MLLT10: variants seen among roughly 807,000 people sequenced by gnomAD.
MLLT10 encodes the protein protein AF-10.
Under a neutral mutation model 129.1 loss-of-function variants are expected in MLLT10, and 30 were observed. The ratio of observed to expected loss-of-function variants is 0.23; its 90% CI spans 0.17 to 0.32. MLLT10 has a LOEUF of 0.32. MLLT10 is among the 10% of genes least tolerant of loss of function. MLLT10 has a pLI of 1.00. For missense variants in MLLT10, 1,119 were observed against 1,268.3 expected, an observed-to-expected ratio of 0.88 and a Z score of 1.79; for synonymous variants, 490 against 446.4, an observed-to-expected ratio of 1.10 and a Z score of -1.23.
chr10:21,581,848 A>G (rs1440096956), intron 3 of MLLT10, among the ~76,000 whole-genome samples: 1 of 152,184 alleles, frequency 6.6e-6, no homozygotes, highest in East Asian at 1.9e-4. Flanking sequence ...AGTCTCAGGT[A>G]GTTCTTTATA....
intron 3 of MLLT10, among the ~76,000 whole-genome samples, chr10:21,540,419 G>C (rs1332433916): frequency 6.6e-6 from 1 of 151,654 alleles, no homozygotes; most frequent in African/African-American, 2.4e-5. Flanking sequence ...AGTTGGGCGT[G>C]GTGGCTTGCA....
chr10:21,641,829 A>G (rs968869738), intron 8 of MLLT10, among the ~76,000 whole-genome samples: 9 of 152,182 alleles, frequency 5.9e-5, no homozygotes, highest in African/African-American at 2.2e-4. Context: ...AGCAATTGGA[A>G]ATTTATTACT....
intron 3 of MLLT10, among the ~76,000 whole-genome samples, chr10:21,571,328 T>C (rs2040181365): frequency 6.6e-6 from 1 of 152,158 alleles, no homozygotes; most frequent in African/African-American, 2.4e-5. Flanking sequence ...TCTCTCTCTC[T>C]CTCCAGCTCT....
At chr10:21,601,390 A>G (rs113583524) in intron 5 of MLLT10, among the ~76,000 whole-genome samples, 1 of 152,206 alleles carries the variant, frequency 6.6e-6, no homozygotes, top group Non-Finnish European at 1.5e-5. Context: ...CTTTTCTCTT[A>G]GCTACCAAAG....
In MLLT10 at chr10:21,702,071, C is replaced by T. The variant is rs572000447; in HGVS notation, c.1700-11701C>T. Among the ~76,000 whole-genome samples the T allele has an allele frequency of 4.6e-5, 7 of 152,060 alleles. No individual in the cohort carries two copies. In the East Asian group the frequency reaches 5.8e-4, roughly 13 times the overall value. ...CCTCCCGAGTAGCTAGGACTACAGG[C>T]GCCCACCACCATGCCCAGCTAATTT... On this transcript the variant is annotated intron_variant, in intron 13 of 22. Coordinates refer to ENST00000307729, the MANE Select transcript of MLLT10 (RefSeq NM_001195626.3).
Position 21,612,436 on chromosome 10 carries a change from C to A in MLLT10, c.494C>A (p.Ala165Asp). Residue 165 changes from alanine to aspartate, a missense_variant, in exon 6 of 23, where the codon GCT (alanine) becomes GAT (aspartate). Coordinates refer to ENST00000307729, the MANE Select transcript of MLLT10 (RefSeq NM_001195626.3). The part of the protein sequence containing the change: ...MTCNKHGCRQ[A>D]FHVTCAQFAG... ...TGTAATAAACATGGATGTCGACAGGCTTTCCATGTAACATGGTAAGGATGT... is the reference window on the plus strand; with the variant it reads ...TGTAATAAACATGGATGTCGACAGGATTTCCATGTAACATGGTAAGGATGT... The A allele has an allele frequency of 6.2e-7, 1 of 1,609,522 alleles. No individual in the cohort carries two copies. Among genetic ancestry groups the A allele is most frequent in the South Asian group, 1.1e-5 (1 of 90,692 alleles).
At chr10:21,631,085 C>T (rs994391348) in intron 8 of MLLT10, among the ~76,000 whole-genome samples, 1 of 151,648 alleles carries the variant, frequency 6.6e-6, no homozygotes, top group Non-Finnish European at 1.5e-5. Context: ...CCGAGGTGGG[C>T]GGATCACAAG....
chr10:21,581,150 A>G (rs2041404215), intron 3 of MLLT10, among the ~76,000 whole-genome samples: 1 of 147,838 alleles, frequency 6.8e-6, no homozygotes, highest in East Asian at 2.0e-4. Context: ...GGTTCACACC[A>G]TCCTCCTGCC....
At chr10:21,613,831 A>G (rs1243186) in intron 6 of MLLT10, among the ~76,000 whole-genome samples, 97,244 of 151,842 alleles carry the variant, frequency 0.64, 33,431 homozygotes, top group African/African-American at 0.91. Context: ...CTTGAGCCCC[A>G]GAAGGCCGAG....
Position 21,742,202 on chromosome 10 carries a change from A to G in MLLT10, c.*219A>G, listed in dbSNP as rs999946898. The G allele has an allele frequency of 2.6e-5, 11 of 419,494 alleles. No homozygotes were observed. In the South Asian group the frequency reaches 9.8e-4, roughly 37 times the overall value. 26.0% of individuals were successfully genotyped at this position (419,494 alleles called of 1,614,324 possible). On this transcript the variant is annotated 3_prime_UTR_variant, in exon 23 of 23. Transcript: ENST00000307729. ...TTCCCATGCCCCTACCCCTTACCCC[A>G]GTTTTTTGAACATGGAAAGAAAATT...
chr10:21,600,979 T>C (rs1358684185), intron 5 of MLLT10, among the ~76,000 whole-genome samples: 1 of 152,194 alleles, frequency 6.6e-6, no homozygotes, highest in Non-Finnish European at 1.5e-5. Flanking sequence ...ATGGTCTTGC[T>C]GTTGCCCAGC....
intron 8 of MLLT10, among the ~76,000 whole-genome samples, chr10:21,642,708 A>T (rs2048137384): frequency 6.6e-6 from 1 of 151,890 alleles, no homozygotes; most frequent in Non-Finnish European, 1.5e-5. Flanking sequence ...TATTATCCTG[A>T]TTGAAACCTA....
intron 3 of MLLT10, among the ~76,000 whole-genome samples, chr10:21,551,367 A>G (rs767526461): frequency 7.1e-6 from 1 of 140,410 alleles, no homozygotes; most frequent in Non-Finnish European, 1.5e-5. Context: ...TAGCCTGTAC[A>G]CTTTAAATAG....
chr10:21,673,498 T>A lies in MLLT10; in HGVS notation c.1200T>A (p.His400Gln). The change falls in exon 11 of 23, where the codon CAT (histidine) becomes CAA (glutamine). Residue 400 changes from histidine to glutamine, a missense_variant. This residue lies in a region of MLLT10 where 1,004 missense variants were observed against 1,008.7 expected (regional missense o/e 1.00). Coordinates refer to ENST00000307729, the MANE Select transcript of MLLT10 (RefSeq NM_001195626.3). The stretch of plus-strand genomic sequence containing the variant: ...AGTCATCAGCAACCAAAGATGTACA[T>A]AAAGGAGAGTCTGGAAGCCAGGAAG... ...SQQSSATKDV[H>Q]KGESGSQEGG... 1 of 1,613,850 alleles carries A rather than the reference T, an allele frequency of 6.2e-7. No homozygotes were observed. The highest frequency in any genetic ancestry group is 2.2e-5 in the East Asian group (1 of 44,862).
intron 13 of MLLT10, chr10:21,708,583 A>G (rs1354945794): frequency 1.0e-6 from 1 of 984,324 alleles, no homozygotes; most frequent in East Asian, 1.1e-4. Context: ...TTTTTTTTTT[A>G]CCAGTAAACT....
At chr10:21,624,642 T>TG (rs2046245351) in intron 8 of MLLT10, 1 of 1,467,738 alleles carries the variant, frequency 6.8e-7, no homozygotes. Context: ...TTGTCATTAT[T>TG]GTAACCATAG....
At chr10:21,737,088 C>T (rs1185545341) in intron 21 of MLLT10, among the ~76,000 whole-genome samples, 9 of 122,088 alleles carry the variant, frequency 7.4e-5, no homozygotes, top group Admixed American at 1.6e-4. Context: ...ACCAACCGGG[C>T]GTGCTGGTGC....
At chr10:21,713,710 A>C (rs2056310830) in intron 13 of MLLT10, 62 bp from the exon 14 acceptor site, 1 of 1,437,234 alleles carries the variant, frequency 7.0e-7, no homozygotes, top group Non-Finnish European at 9.6e-7. Flanking sequence ...TTTACTGATT[A>C]TGTGTGTCTG....
Position 21,732,920 on chromosome 10 carries a change from T to C in MLLT10, c.2240T>C (p.Leu747Ser). 6.2e-7 allele frequency: 1 copy of C among 1,613,886 alleles called. No homozygotes were observed. Among genetic ancestry groups the C allele is most frequent in the Non-Finnish European group, 8.5e-7 (1 of 1,179,906 alleles). Residue 747 changes from leucine to serine, a missense_variant, in exon 18 of 23, where the codon TTA becomes TCA. By Grantham distance (145) the Leu-to-Ser change is moderately radical. Transcript: ENST00000307729. The part of the protein sequence containing the change: ...PSDILGMLKS[L>S]HQLQVENRRL... ...GTAGTTTTAGGAATGCTGAAGTCATTACACCAACTTCAAGTTGAAAACCGA... is the reference window on the plus strand; with the variant it reads ...GTAGTTTTAGGAATGCTGAAGTCATCACACCAACTTCAAGTTGAAAACCGA...
Sources: gnomAD v4.1 joint callset for allele counts (sites outside exome capture counted in the v4.1 genomes callset) on GRCh38, gnomAD v4.1.1 for gene constraint, gnomAD v4.1.1 regional missense constraint, MANE v1.5 for transcripts, NCBI Gene and HGNC (gene_info 2026-07-23, HGNC 2026-07-21) for gene names.